The following FGF14 variants were observed in gnomAD, a reference collection of about 807,000 sequenced individuals.
FGF14 encodes fibroblast growth factor homologous factor 4.
FGF14 carries 5 observed loss-of-function variants against 25.5 expected under a neutral mutation model. That is an observed-to-expected ratio of 0.20 (90% CI 0.10 to 0.41). FGF14 has a LOEUF of 0.41. Ranked by LOEUF, FGF14 falls within the 10% of genes least tolerant of loss-of-function variation. The pLI, the probability that FGF14 is intolerant of heterozygous loss-of-function variation, is 1.00. For synonymous variants in FGF14, 138 were observed against 118.3 expected (o/e 1.17, Z -1.08); for missense variants, 222 against 320.1 (o/e 0.69, Z 2.34).
chr13:102,277,213 C>T (rs1161808885), intron 1 of FGF14, among the ~76,000 whole-genome samples: 2 of 152,200 alleles, frequency 1.3e-5, no homozygotes, highest in Non-Finnish European at 2.9e-5. Flanking sequence ...TTTTAGAAAT[C>T]ACTATTCACT....
chr13:101,933,168 C>A (rs543731346), intron 1 of FGF14, among the ~76,000 whole-genome samples: 1 of 151,918 alleles, frequency 6.6e-6, no homozygotes, highest in Non-Finnish European at 1.5e-5. Flanking sequence ...TATTTTTATC[C>A]GTCAAAACAA....
chr13:101,853,027 T>C (rs1290729915), intron 3 of FGF14, among the ~76,000 whole-genome samples: 3 of 152,060 alleles, frequency 2.0e-5, no homozygotes, highest in Non-Finnish European at 4.4e-5. Context: ...GAAAGTGCTA[T>C]TTATTTAGAA....
chr13:101,944,257 GATTAA>G (rs1346579922), intron 1 of FGF14, among the ~76,000 whole-genome samples: 1 of 152,122 alleles, frequency 6.6e-6, no homozygotes, highest in African/African-American at 2.4e-5. Context: ...TCTTCCTCAG[GATTAA>G]ATGAAGTAAT....
At chr13:101,830,801 A>C (rs2042633251) in intron 3 of FGF14, among the ~76,000 whole-genome samples, 1 of 152,056 alleles carries the variant, frequency 6.6e-6, no homozygotes. Context: ...TGGCAGACTT[A>C]TGTTCCATTT....
chr13:102,172,084 C>T (rs919853523), intron 1 of FGF14, among the ~76,000 whole-genome samples: 2 of 151,916 alleles, frequency 1.3e-5, no homozygotes, highest in African/African-American at 4.8e-5. Flanking sequence ...CCTCCCTCGA[C>T]CTCCCAAAGT....
rs138913061 is a variant in FGF14, at chr13:102,242,621, C to A, written c.208+158850G>T. On this transcript the variant is annotated intron_variant, in intron 1 of 4. Coordinates refer to the FGF14 transcript ENST00000376131. ...TTGATCCATTCCTGAGGCATCAGAG[C>A]CCTCATGCCCTAATCACCTCTCATT... Among the ~76,000 whole-genome samples, 424 of 152,196 alleles carry A rather than the reference C, an allele frequency of 2.8e-3. 1 individual carries two copies. Among genetic ancestry groups the A allele is most frequent in the Non-Finnish European group, 4.0e-3 (274 of 67,986 alleles).
At chr13:102,157,546 A>G (rs978342174) in intron 1 of FGF14, among the ~76,000 whole-genome samples, 10 of 152,254 alleles carry the variant, frequency 6.6e-5, no homozygotes, top group Non-Finnish European at 1.3e-4. Context: ...ATCTAAAACC[A>G]TAAAAACCCT....
intron 3 of FGF14, among the ~76,000 whole-genome samples, chr13:101,747,968 G>T (rs545033072): frequency 6.6e-6 from 1 of 151,970 alleles, no homozygotes; most frequent in East Asian, 1.9e-4. Context: ...AAAAAATGAA[G>T]GTGTCGGAGA....
intron 1 of FGF14, among the ~76,000 whole-genome samples, chr13:102,139,763 AAGAAGCTTTC>A (rs939918586): frequency 8.6e-5 from 12 of 139,628 alleles, no homozygotes; most frequent in Non-Finnish European, 1.5e-4. Flanking sequence ...TTTCTATCCC[AAGAAGCTTTC>A]AGCAGCTTTC....
intron 2 of FGF14, among the ~76,000 whole-genome samples, chr13:101,871,300 C>A (rs1000696953): frequency 6.6e-6 from 1 of 152,116 alleles, no homozygotes; most frequent in East Asian, 1.9e-4. Context: ...TCTGGCCGCA[C>A]GTTAAAACTA....
At chr13:102,236,799 G>A (rs1343882565) in intron 1 of FGF14, among the ~76,000 whole-genome samples, 4 of 152,158 alleles carry the variant, frequency 2.6e-5, no homozygotes, top group Non-Finnish European at 5.9e-5. Context: ...CATAGGATGC[G>A]GAACCCTCAT....
chr13:101,813,685 G>T lies in FGF14; in HGVS notation c.408+55040C>A, dbSNP rs570793668. Among the ~76,000 whole-genome samples, 3 of 152,292 alleles carry T rather than the reference G, an allele frequency of 2.0e-5. No homozygotes were observed. In the South Asian group the frequency reaches 6.2e-4, roughly 32 times the overall value. On this transcript the variant is annotated intron_variant, in intron 3 of 4. Transcript: ENST00000376143. The stretch of plus-strand genomic sequence containing the variant: ...AACAGTGTATGAGCAGGAATAAATA[G>T]TATTTCAAATTGGCCCAGTACAAAG...
At chr13:101,837,780 C>G (rs1366824800) in intron 3 of FGF14, among the ~76,000 whole-genome samples, 1 of 152,010 alleles carries the variant, frequency 6.6e-6, no homozygotes, top group East Asian at 1.9e-4. Flanking sequence ...ATTGTGTCAA[C>G]TTGATTGGAT....
chr13:102,352,090 T>C (rs2057295408), intron 1 of FGF14, among the ~76,000 whole-genome samples: 1 of 152,136 alleles, frequency 6.6e-6, no homozygotes, highest in Admixed American at 6.5e-5. Context: ...GCTTTTTTGG[T>C]AAAGGAGATA....
intron 1 of FGF14, among the ~76,000 whole-genome samples, chr13:101,902,031 T>C (rs4772427): frequency 0.37 from 56,788 of 151,958 alleles, 11,459 homozygotes; most frequent in African/African-American, 0.5. Context: ...AATGATGAAG[T>C]TTGATGAGCT....
chr13:102,346,836 G>T (rs2057121321), intron 1 of FGF14, among the ~76,000 whole-genome samples: 1 of 152,112 alleles, frequency 6.6e-6, no homozygotes, highest in Non-Finnish European at 1.5e-5. Context: ...GCGAGGCATT[G>T]CAGTGATCAG....
At chr13:102,124,207 C>A (rs1243405553) in intron 1 of FGF14, among the ~76,000 whole-genome samples, 1 of 151,936 alleles carries the variant, frequency 6.6e-6, no homozygotes, top group Non-Finnish European at 1.5e-5. Flanking sequence ...AAAAGCTGTC[C>A]CACTTGAAAG....
intron 1 of FGF14, among the ~76,000 whole-genome samples, chr13:102,027,594 C>G (rs1306252320): frequency 6.6e-6 from 1 of 152,036 alleles, no homozygotes; most frequent in African/African-American, 2.4e-5. Context: ...TAAGTTTTCT[C>G]AAATCTATGA....
intron 1 of FGF14, among the ~76,000 whole-genome samples, chr13:101,990,498 T>C (rs1178253906): frequency 6.6e-6 from 1 of 152,194 alleles, no homozygotes; most frequent in Non-Finnish European, 1.5e-5. Flanking sequence ...GTTATATCTA[T>C]GTCCAATTAC....
Sources: allele counts gnomAD v4.1 joint callset (sites outside exome capture counted in the v4.1 genomes callset), GRCh38; gene constraint gnomAD v4.1.1; transcripts MANE v1.5; gene names NCBI Gene and HGNC (gene_info 2026-07-23, HGNC 2026-07-21).